Variants in SAMMSON observed in about 807,000 individuals in gnomAD.
SAMMSON encodes survival associated mitochondrial melanoma specific oncogenic non-coding RNA, also known as long intergenic non-protein coding RNA 1212.
At chr3:70,307,542 A>G (rs1007753807) in intron 7 of SAMMSON, among the ~76,000 whole-genome samples, 1 of 151,910 alleles carries the variant, frequency 6.6e-6, no homozygotes, top group African/African-American at 2.4e-5. Flanking sequence ...TTTTTCCTCC[A>G]TAAAGTTTTC....
At chr3:70,166,156 AG>A (rs2067636053) in intron 4 of SAMMSON, among the ~76,000 whole-genome samples, 1 of 152,010 alleles carries the variant, frequency 6.6e-6, no homozygotes, top group Non-Finnish European at 1.5e-5. Flanking sequence ...CCTCAGAGTC[AG>A]CCAAACCTGG....
At position 70,050,558 on chromosome 3, in the gene SAMMSON, A is replaced by G. The variant is rs145357161; in HGVS notation, n.418-20918A>G. Among the ~76,000 whole-genome samples, 837 of 152,290 alleles carry G rather than the reference A, an allele frequency of 5.5e-3. 6 individuals carry two copies. Among genetic ancestry groups the G allele is most frequent in the Middle Eastern group, 0.01 (3 of 294 alleles). On this transcript the variant is annotated intron_variant and non_coding_transcript_variant, in intron 3 of 9. Coordinates refer to ENST00000642114, the Ensembl canonical transcript of SAMMSON. ...ATTTTAAAAATTAATTACATATGTT[A>G]ATTGACTTGACACATAGGCAATTAG...
At chr3:70,153,183 A>G (rs1321081692) in intron 4 of SAMMSON, among the ~76,000 whole-genome samples, 1 of 151,938 alleles carries the variant, frequency 6.6e-6, no homozygotes, top group East Asian at 1.9e-4. Context: ...ATGTCAATGA[A>G]GTGTTTTTTT....
At chr3:70,214,878 A>G (rs1429778736) in intron 4 of SAMMSON, among the ~76,000 whole-genome samples, 1 of 152,084 alleles carries the variant, frequency 6.6e-6, no homozygotes, top group African/African-American at 2.4e-5. Context: ...AGATTATGTT[A>G]TCTGAGAAAA....
At chr3:70,418,654 G>T (rs1254508183) in intron 2 of SAMMSON, among the ~76,000 whole-genome samples, 3 of 152,122 alleles carry the variant, frequency 2.0e-5, no homozygotes, top group Non-Finnish European at 2.9e-5. Flanking sequence ...GGGAAATTCA[G>T]CTCCTCTTCC....
At chr3:70,235,635 T>C (rs1220601722) in intron 4 of SAMMSON, among the ~76,000 whole-genome samples, 1 of 152,142 alleles carries the variant, frequency 6.6e-6, no homozygotes, top group Non-Finnish European at 1.5e-5. Flanking sequence ...CTTTTAGAGG[T>C]TTCTCTATGA....
At chr3:70,234,151 A>G (rs1701587253) in intron 4 of SAMMSON, among the ~76,000 whole-genome samples, 1 of 152,208 alleles carries the variant, frequency 6.6e-6, no homozygotes, top group Non-Finnish European at 1.5e-5. Flanking sequence ...GATGTGGACA[A>G]CTACTTACAA....
rs1553715435 is a variant in SAMMSON at position 70,108,441 on chromosome 3, T to TTTTTTTTA, written n.507+36876_507+36877insTTTTTTTA. ...GCGGTTCCTTTTTTTTTTTTTTTTT[T>TTTTTTTTA]ATCATAACTCACCTAAGGAGCTGAG... On this transcript the variant is annotated intron_variant and non_coding_transcript_variant, in intron 4 of 9. Transcript: ENST00000642114. Among the ~76,000 whole-genome samples the TTTTTTTTA allele has an allele frequency of 1.4e-4, 20 of 146,404 alleles. 1 individual carries two copies. The highest frequency in any genetic ancestry group is 5.2e-4 in the African/African-American group (20 of 38,520).
intron 2 of SAMMSON, among the ~76,000 whole-genome samples, chr3:70,418,690 G>C (rs1046845073): frequency 1.3e-5 from 2 of 152,066 alleles, no homozygotes; most frequent in African/African-American, 4.8e-5. Context: ...CCTCCTTTTA[G>C]GGTTTTAACC....
chr3:70,366,693 T>C (rs1575634621), intron 9 of SAMMSON, among the ~76,000 whole-genome samples: 1 of 151,640 alleles, frequency 6.6e-6, no homozygotes, highest in East Asian at 1.9e-4. Context: ...AATCAATTGG[T>C]TAACACAATT....
intron 7 of SAMMSON, among the ~76,000 whole-genome samples, chr3:70,349,708 G>C (rs774879931): frequency 6.6e-6 from 1 of 152,164 alleles, no homozygotes; most frequent in Non-Finnish European, 1.5e-5. Flanking sequence ...AACAGTATGA[G>C]CAAGAAGTCC....
intron 7 of SAMMSON, among the ~76,000 whole-genome samples, chr3:70,335,214 G>A (rs139544394): frequency 6.6e-6 from 1 of 151,960 alleles, no homozygotes; most frequent in Non-Finnish European, 1.5e-5. Context: ...ATCTCCAAAC[G>A]CATTGCAAAT....
chr3:70,224,118 A>G (rs1403885375), intron 4 of SAMMSON, among the ~76,000 whole-genome samples: 1 of 152,140 alleles, frequency 6.6e-6, no homozygotes, highest in East Asian at 1.9e-4. Flanking sequence ...GTGTATCTTT[A>G]TCACTAACAA....
chr3:70,199,657 C>T (rs1389374736), intron 4 of SAMMSON, among the ~76,000 whole-genome samples: 2 of 152,092 alleles, frequency 1.3e-5, no homozygotes, highest in African/African-American at 4.8e-5. Context: ...TGCATATGGC[C>T]AATTTTTGTT....
intron 6 of SAMMSON, among the ~76,000 whole-genome samples, chr3:70,275,334 C>A (rs1702013250): frequency 6.6e-6 from 1 of 151,970 alleles, no homozygotes; most frequent in African/African-American, 2.4e-5. Context: ...CATAGTAAGA[C>A]CTCGTCTCTA....
intron 2 of SAMMSON, among the ~76,000 whole-genome samples, chr3:70,399,975 G>C (rs575345826): frequency 6.7e-6 from 1 of 148,722 alleles, no homozygotes; most frequent in Non-Finnish European, 1.5e-5. Flanking sequence ...TCTAATATGG[G>C]GTAGATTTTT....
chr3:70,409,967 C>T (rs1701205316), intron 2 of SAMMSON, among the ~76,000 whole-genome samples: 2 of 151,824 alleles, frequency 1.3e-5, no homozygotes, highest in African/African-American at 4.8e-5. Context: ...AACCCCCTAG[C>T]CCCACCCACC....
At chr3:70,132,834 A>G (rs751797260) in intron 4 of SAMMSON, among the ~76,000 whole-genome samples, 8 of 152,058 alleles carry the variant, frequency 5.3e-5, no homozygotes, top group Non-Finnish European at 1.2e-4. Flanking sequence ...TCAGTTGACA[A>G]TCAATGTGCA....
intron 4 of SAMMSON, chr3:70,125,711 C>G: frequency 1.5e-6 from 1 of 687,284 alleles, no homozygotes; most frequent in South Asian, 1.6e-5. Context: ...GGTAACAGCA[C>G]TAGATGTAAA....
Sources: allele counts gnomAD v4.1 joint callset (sites outside exome capture counted in the v4.1 genomes callset), GRCh38; gene constraint gnomAD v4.1.1; transcripts MANE v1.5; gene names NCBI Gene and HGNC (gene_info 2026-07-23, HGNC 2026-07-21).